The following USP34 variants were observed in gnomAD, a reference collection of about 807,000 sequenced individuals.
USP34 encodes ubiquitin specific peptidase 34.
USP34 carries 70 observed loss-of-function variants against 460.3 expected under a neutral mutation model. That is an observed-to-expected ratio of 0.15 (90% CI 0.13 to 0.19). USP34 has a LOEUF of 0.19. USP34 is among the 10% of genes least tolerant of loss of function. The pLI is 1.00. For missense variants in USP34, 3,985 were observed against 4,236.2 expected (o/e 0.94, Z 1.65); for synonymous variants, 1,647 against 1,405.3 (o/e 1.17, Z -3.85).
At chr2:61,202,473 A>AAC in intron 75 of USP34, among the ~76,000 whole-genome samples, 2 of 152,264 alleles carry the variant, frequency 1.3e-5, no homozygotes, top group East Asian at 3.9e-4. Context: ...ATGTCTCTGA[A>AAC]AAACTTATCA....
At chr2:61,383,240 T>C in intron 6 of USP34, 29 bp downstream of exon 6, 1 of 1,504,826 alleles carries the variant, frequency 6.6e-7, no homozygotes, top group African/African-American at 1.4e-5. Flanking sequence ...ACACTGATAA[T>C]CGGGGGTAAA....
At chr2:61,332,256 T>C (rs1691292726) in intron 19 of USP34, among the ~76,000 whole-genome samples, 1 of 152,058 alleles carries the variant, frequency 6.6e-6, no homozygotes. Flanking sequence ...AGATAATATG[T>C]ACTAAATATT....
At chr2:61,416,820 T>TGGG (rs1246172627) in intron 2 of USP34, 258 of 274,814 alleles carry the variant, frequency 9.4e-4, no homozygotes, top group African/African-American at 2.0e-3. Context: ...CTTTTTTTTT[T>TGGG]TGGGGGGGGG....
intron 3 of USP34, among the ~76,000 whole-genome samples, chr2:61,404,644 C>T (rs1693816540): frequency 6.6e-6 from 1 of 152,196 alleles, no homozygotes; most frequent in South Asian, 2.1e-4. Context: ...CCACTACCAA[C>T]TGCCACACAC....
intron 25 of USP34, among the ~76,000 whole-genome samples, chr2:61,313,453 GAAA>G (rs1052709429): frequency 6.6e-6 from 1 of 152,096 alleles, no homozygotes; most frequent in African/African-American, 2.4e-5. Context: ...CCACAGCATA[GAAA>G]AAATTTTAGA....
chr2:61,233,371 T>C (rs1422941486), intron 57 of USP34, among the ~76,000 whole-genome samples: 6 of 151,342 alleles, frequency 4.0e-5, no homozygotes, highest in Non-Finnish European at 7.4e-5. Flanking sequence ...AAAAATGGCA[T>C]GGAGAAAAAA....
chr2:61,197,696 CA>C (rs1160059126), intron 75 of USP34, among the ~76,000 whole-genome samples: 1 of 152,146 alleles, frequency 6.6e-6, no homozygotes, highest in Non-Finnish European at 1.5e-5. Flanking sequence ...CTCCTGGGCT[CA>C]AGTGATCCTC....
chr2:61,345,101 C>T (rs558456814), intron 15 of USP34, among the ~76,000 whole-genome samples: 3 of 152,024 alleles, frequency 2.0e-5, no homozygotes, highest in South Asian at 2.1e-4. Context: ...GGTGAAACCC[C>T]GTCTCTACTA....
At chr2:61,410,259 T>C (rs78815054) in intron 2 of USP34, among the ~76,000 whole-genome samples, 3,798 of 152,268 alleles carry the variant, frequency 0.025, 80 homozygotes, top group Non-Finnish European at 0.035. Context: ...CTGGGGGTGA[T>C]AGGAGACAGC....
intron 69 of USP34, among the ~76,000 whole-genome samples, chr2:61,210,719 CTTT>C (rs919387936): frequency 2.6e-5 from 4 of 151,850 alleles, no homozygotes; most frequent in South Asian, 4.2e-4. Flanking sequence ...AGCTCCAAAT[CTTT>C]TTTTTCTTTT....
At chr2:61,349,316 C>T (rs1441113702) in intron 12 of USP34, 31 bp from the exon 13 acceptor site, 1 of 1,609,444 alleles carries the variant, frequency 6.2e-7, no homozygotes, top group Non-Finnish European at 8.5e-7. Context: ...AGGAGAAAAA[C>T]ATTCTAAGTG....
At chr2:61,267,906 C>T (rs1264444903) in intron 41 of USP34, among the ~76,000 whole-genome samples, 1 of 152,132 alleles carries the variant, frequency 6.6e-6, no homozygotes, top group Non-Finnish European at 1.5e-5. Flanking sequence ...AGGCGTGAGC[C>T]ACCGCACCCA....
At chr2:61,467,603 A>C (rs1292446575) in intron 1 of USP34, among the ~76,000 whole-genome samples, 1 of 144,786 alleles carries the variant, frequency 6.9e-6, no homozygotes, top group East Asian at 2.0e-4. Flanking sequence ...ACATTTTGGG[A>C]GGACTGTAAC....
chr2:61,406,650 TTCTCTC>T (rs35161447), intron 2 of USP34, among the ~76,000 whole-genome samples: 1 of 150,152 alleles, frequency 6.7e-6, no homozygotes, highest in Non-Finnish European at 1.5e-5. Flanking sequence ...CACTCTCTCT[TTCTCTC>T]TCTCTCTCCC....
At chr2:61,377,594 C>T (rs184100108) in intron 8 of USP34, among the ~76,000 whole-genome samples, 6 of 151,942 alleles carry the variant, frequency 3.9e-5, no homozygotes, top group African/African-American at 1.2e-4. Context: ...TTCCACCATG[C>T]GAAAATAAAA....
chr2:61,229,892 C>T (rs908394116), intron 58 of USP34, among the ~76,000 whole-genome samples: 5 of 151,794 alleles, frequency 3.3e-5, no homozygotes, highest in Admixed American at 3.3e-4. Flanking sequence ...AAAAACAAAG[C>T]TTCAAAAAAT....
At position 61,395,012 on chromosome 2, in the gene USP34, T is replaced by C. The variant is rs756034634; in HGVS notation, c.604-10A>G. 16 of 1,569,934 alleles carry C rather than the reference T, an allele frequency of 1.0e-5. No individual in the cohort carries two copies. The Admixed American group carries it at 1.5e-4, about 14-fold the overall frequency. On this transcript the variant is annotated splice_polypyrimidine_tract_variant and intron_variant, in intron 4 of 79. Transcript: ENST00000398571. ...ATGGTACTTCTACATCCTGGGAAAA[T>C]AAAGAAAACATGTCATTATTTGAAA...
At chr2:61,298,779 TA>T (rs201811039) in intron 29 of USP34, among the ~76,000 whole-genome samples, 196 of 146,374 alleles carry the variant, frequency 1.3e-3, no homozygotes, top group East Asian at 3.0e-3. Flanking sequence ...AATGATGGAT[TA>T]AAAAAAAAAA....
chr2:61,269,591 CACAAATTT>C (rs949834634), intron 41 of USP34, among the ~76,000 whole-genome samples: 15 of 151,982 alleles, frequency 9.9e-5, no homozygotes, highest in African/African-American at 3.6e-4. Flanking sequence ...ACTTAAAATT[CACAAATTT>C]ACAAATTTAA....
Sources: gnomAD v4.1 joint callset for allele counts (sites outside exome capture counted in the v4.1 genomes callset) on GRCh38, gnomAD v4.1.1 for gene constraint, MANE v1.5 for transcripts, NCBI Gene and HGNC (gene_info 2026-07-23, HGNC 2026-07-21) for gene names.